Variants in ASXL3 observed in about 807,000 individuals in gnomAD.
The protein encoded by ASXL3 is ASXL transcriptional regulator 3.
ASXL3 carries 34 observed loss-of-function variants against 170.6 expected under a neutral mutation model. The observed-to-expected ratio is 0.20, with a 90% CI of 0.15 to 0.27. The LOEUF is 0.27. ASXL3 is among the 10% of genes least tolerant of loss of function. ASXL3 has a pLI of 1.00. For synonymous variants in ASXL3, 1,002 were observed against 989.1 expected (o/e 1.01, Z -0.24); for missense variants, 2,592 against 2,695.3 (o/e 0.96, Z 0.85).
chr18:33,729,597 T>A (rs1371734317), intron 8 of ASXL3, among the ~76,000 whole-genome samples: 1 of 152,094 alleles, frequency 6.6e-6, no homozygotes, highest in Non-Finnish European at 1.5e-5. Flanking sequence ...AAAAAGTAAC[T>A]GGTCATAATA....
chr18:33,686,961 CAGTTGCAGTAGTTG>C, intron 8 of ASXL3, among the ~76,000 whole-genome samples: 1 of 152,148 alleles, frequency 6.6e-6, no homozygotes, highest in East Asian at 1.9e-4. Flanking sequence ...GGTTAGGAGA[CAGTTGCAGTAGTTG>C]AGATATGAGA....
At chr18:33,731,292 T>A (rs2067439083) in intron 8 of ASXL3, among the ~76,000 whole-genome samples, 1 of 152,150 alleles carries the variant, frequency 6.6e-6, no homozygotes, top group Non-Finnish European at 1.5e-5. Context: ...ATTCTATATG[T>A]GGAAGTAACA....
chr18:33,746,417 G>C lies in ASXL3; in HGVS notation c.6569G>C (p.Gly2190Ala). 2.5e-6 allele frequency: 4 copies of C among 1,614,014 alleles called. No individual in the cohort carries two copies. Among genetic ancestry groups the C allele is most frequent in the Non-Finnish European group, 3.4e-6 (4 of 1,179,866 alleles). ...TCCAATCCTGCCACAGGCTTGTCTG[G>C]TCAGAACGCTCAGATGCCCGTTCAG... is the stretch of plus-strand genomic sequence containing the variant. ...SGSNPATGLSGQNAQMPVQNF... is the reference protein window; with the variant it reads ...SGSNPATGLSAQNAQMPVQNF... The change falls in exon 12 of 12, where the codon GGT (glycine) becomes GCT (alanine). Residue 2190 changes from glycine to alanine, a missense_variant. By Grantham distance (60) the Gly-to-Ala change is moderately conservative (BLOSUM62 0). This residue lies in a region of ASXL3 where 2,246 missense variants were observed against 2,219.6 expected (regional missense o/e 1.01). Transcript: ENST00000269197.
Position 33,646,312 on chromosome 18 carries a change from C to A in ASXL3, c.314C>A (p.Thr105Lys), listed in dbSNP as rs775048629. 2 of 1,610,796 alleles carry A rather than the reference C, an allele frequency of 1.2e-6. No individual in the cohort carries two copies. The highest frequency in any genetic ancestry group is 3.3e-4 in the Middle Eastern group (2 of 6,044). The change falls in exon 4 of 12, where the codon ACA (threonine) becomes AAA (lysine). Residue 105 changes from threonine to lysine, a missense_variant. Physicochemically the swap from Thr to Lys is moderately conservative, Grantham distance 78. Coordinates refer to ENST00000269197, the MANE Select transcript of ASXL3 (RefSeq NM_030632.3). ...GTCTGTGAATCTGAATTGGATGGTA[C>A]AGATATGGCCGAGGCAAATGCCCAT... is the stretch of plus-strand genomic sequence containing the variant. ...DLVCESELDGTDMAEANAHGE... is the reference protein window; with the variant it reads ...DLVCESELDGKDMAEANAHGE...
At chr18:33,636,798 AT>A (rs923403702) in intron 2 of ASXL3, among the ~76,000 whole-genome samples, 20 of 152,102 alleles carry the variant, frequency 1.3e-4, no homozygotes, top group African/African-American at 4.8e-4. Flanking sequence ...TGGATTTTGG[AT>A]TTTTTTAAAA....
chr18:33,747,696 A>T lies in ASXL3; in HGVS notation c.*1101A>T, dbSNP rs1022558555. On this transcript the variant is annotated 3_prime_UTR_variant, in exon 12 of 12. Transcript: ENST00000269197. ...ATTTTTCAGAACAATTGCTTTTCTC[A>T]TTATTTACAACCTATATAATTCAAC... 1 of 152,172 alleles carries T rather than the reference A, an allele frequency of 6.6e-6. No individual in the cohort carries two copies. Among genetic ancestry groups the T allele is most frequent in the African/African-American group, 2.4e-5 (1 of 41,440 alleles). 9.4% of individuals were successfully genotyped at this position (152,172 alleles called of 1,614,324 possible). A position where few individuals can be genotyped will look rare whatever the true frequency, so the allele number is the denominator to read the frequency against.
intron 8 of ASXL3, among the ~76,000 whole-genome samples, chr18:33,685,823 A>G (rs1185922599): frequency 7.2e-5 from 11 of 152,182 alleles, no homozygotes; most frequent in African/African-American, 2.7e-4. Context: ...TTGAACTCAC[A>G]GAGGGAAAAC....
At chr18:33,698,101 T>C (rs1187392119) in intron 8 of ASXL3, among the ~76,000 whole-genome samples, 1 of 152,116 alleles carries the variant, frequency 6.6e-6, no homozygotes, top group Non-Finnish European at 1.5e-5. Context: ...TCCAAGCTGA[T>C]GTTATCAAGA....
intron 8 of ASXL3, among the ~76,000 whole-genome samples, chr18:33,707,587 CCT>C (rs1481937297): frequency 2.0e-5 from 3 of 151,754 alleles, no homozygotes; most frequent in East Asian, 3.9e-4. Context: ...GGTTTTTTAT[CCT>C]CTCAGTCAAT....
intron 8 of ASXL3, among the ~76,000 whole-genome samples, chr18:33,696,862 G>A (rs61225532): frequency 2.0e-5 from 3 of 152,094 alleles, no homozygotes; most frequent in African/African-American, 7.2e-5. Context: ...CCAAACATAT[G>A]GGTAAAATGT....
intron 5 of ASXL3, among the ~76,000 whole-genome samples, chr18:33,666,270 T>G (rs1485526131): frequency 6.6e-6 from 1 of 152,176 alleles, no homozygotes. Flanking sequence ...CAGTTGGAGG[T>G]GTCTCATTTA....
intron 2 of ASXL3, among the ~76,000 whole-genome samples, chr18:33,638,524 A>T (rs2065803598): frequency 6.6e-6 from 1 of 152,178 alleles, no homozygotes; most frequent in African/African-American, 2.4e-5. Flanking sequence ...CTTATTTAGC[A>T]GCATCTGGCT....
At chr18:33,701,066 T>C (rs1358322990) in intron 8 of ASXL3, among the ~76,000 whole-genome samples, 1 of 152,032 alleles carries the variant, frequency 6.6e-6, no homozygotes, top group Non-Finnish European at 1.5e-5. Context: ...TTTTAAAAGT[T>C]ATTAGCTATA....
intron 1 of ASXL3, among the ~76,000 whole-genome samples, chr18:33,584,717 G>C (rs1255136892): frequency 6.6e-6 from 1 of 152,088 alleles, no homozygotes; most frequent in Non-Finnish European, 1.5e-5. Flanking sequence ...AGATTAGTCA[G>C]TAGCTAGGAC....
chr18:33,675,995 C>T (rs998691704), intron 7 of ASXL3, among the ~76,000 whole-genome samples: 6 of 151,808 alleles, frequency 4.0e-5, no homozygotes, highest in Admixed American at 1.3e-4. Flanking sequence ...GAGGCCAAGG[C>T]GGGCGGATCA....
intron 2 of ASXL3, among the ~76,000 whole-genome samples, chr18:33,623,797 C>T (rs2065555491): frequency 6.6e-6 from 1 of 151,924 alleles, no homozygotes; most frequent in African/African-American, 2.4e-5. Flanking sequence ...ATTCAGATTC[C>T]ATGACAGGAT....
At chr18:33,588,027 ATGGG>A (rs1406664959) in intron 1 of ASXL3, among the ~76,000 whole-genome samples, 1 of 152,058 alleles carries the variant, frequency 6.6e-6, no homozygotes, top group Non-Finnish European at 1.5e-5. Context: ...CTTAATGTTT[ATGGG>A]TGGATTTATC....
rs1046756834 is a variant in ASXL3, at chr18:33,743,262, G to C, written c.3414G>C (p.Gly1138=). ...RLPPPLSSKE[G]PPNLEVSSTP... ...CTCCTCCGCTCAGCTCAAAGGAAGG[G>C]CCTCCAAACTTAGAAGTCTCTTCTA... The change falls in exon 12 of 12, where the codon GGG becomes GGC. Residue 1138 remains glycine, a synonymous_variant. Coordinates refer to ENST00000269197, the MANE Select transcript of ASXL3 (RefSeq NM_030632.3). 6.2e-7 allele frequency: 1 copy of C among 1,613,778 alleles called. No individual in the cohort carries two copies. The highest frequency in any genetic ancestry group is 1.7e-5 in the Admixed American group (1 of 59,988).
intron 8 of ASXL3, among the ~76,000 whole-genome samples, chr18:33,721,650 C>T (rs796831051): frequency 7.9e-5 from 12 of 152,124 alleles, no homozygotes; most frequent in South Asian, 4.1e-4. Flanking sequence ...CTGCTTTGTT[C>T]GGTAATATTT....
Sources: allele counts gnomAD v4.1 joint callset (sites outside exome capture counted in the v4.1 genomes callset), GRCh38; gene constraint gnomAD v4.1.1; regional missense constraint gnomAD v4.1.1; transcripts MANE v1.5; gene names NCBI Gene and HGNC (gene_info 2026-07-23, HGNC 2026-07-21).